The following SLC1A4 variants were observed in gnomAD, a reference collection of about 807,000 sequenced individuals.
SLC1A4 encodes neutral amino acid transporter A.
A neutral mutation model predicts 37.7 loss-of-function variants in SLC1A4; 19 were observed. The ratio of observed to expected loss-of-function variants is 0.50; its 90% confidence interval spans 0.35 to 0.74. The LOEUF (loss-of-function observed/expected upper bound fraction) is 0.74, where lower values mean the gene tolerates loss of function less well. SLC1A4 is among the 30% of genes least tolerant of loss of function. The pLI, the probability that SLC1A4 is intolerant of heterozygous loss-of-function variation, is 0.01. For synonymous variants in SLC1A4, 299 were observed against 309.8 expected (o/e 0.97, Z 0.37); for missense variants, 570 against 712.9 (o/e 0.80, Z 2.28).
intron 3 of SLC1A4, among the ~76,000 whole-genome samples, chr2:65,007,554 T>C (rs1375716989): frequency 6.6e-6 from 1 of 152,172 alleles, no homozygotes; most frequent in East Asian, 1.9e-4. Context: ...AGGGAGTCAT[T>C]TCATTGGAAA....
At position 65,021,356 on chromosome 2, in the gene SLC1A4, C is replaced by T. The variant is rs997811689; in HGVS notation, c.*210C>T. On this transcript the variant is annotated 3_prime_UTR_variant, in exon 8 of 8. Coordinates refer to ENST00000234256, the MANE Select transcript of SLC1A4 (RefSeq NM_003038.5). Reference sequence around the variant, plus strand: ...CCAAGGACAAGGACACTCTGACATTCGGCTTGATCCATGTCCAGGTGCAAC... The same window carrying T: ...CCAAGGACAAGGACACTCTGACATTTGGCTTGATCCATGTCCAGGTGCAAC... 21 of 577,390 alleles carry T rather than the reference C, an allele frequency of 3.6e-5. No homozygotes were observed. Among genetic ancestry groups the T allele is most frequent in the African/African-American group, 3.2e-4 (17 of 53,554 alleles). 35.8% of individuals were successfully genotyped at this position (577,390 alleles called of 1,614,324 possible).
chr2:64,996,108 A>C (rs1462204534), intron 1 of SLC1A4, among the ~76,000 whole-genome samples: 1 of 142,036 alleles, frequency 7.0e-6, no homozygotes, highest in African/African-American at 2.7e-5. Flanking sequence ...TAGATTTAGT[A>C]GTGTATCTTA....
At chr2:64,996,684 T>A (rs1225696480) in intron 1 of SLC1A4, among the ~76,000 whole-genome samples, 1 of 152,204 alleles carries the variant, frequency 6.6e-6, no homozygotes, top group East Asian at 1.9e-4. Flanking sequence ...TAGTCCAACA[T>A]GGCAGCACAA....
At chr2:64,990,193 G>A (rs1446977290) in intron 1 of SLC1A4, 23 bp downstream of exon 1, 1 of 1,551,720 alleles carries the variant, frequency 6.4e-7, no homozygotes, top group East Asian at 2.3e-5. Flanking sequence ...ACCTCTCCCA[G>A]GGCCCAGTGG....
At chr2:65,007,330 G>A (rs1673720226) in intron 3 of SLC1A4, among the ~76,000 whole-genome samples, 1 of 152,060 alleles carries the variant, frequency 6.6e-6, no homozygotes, top group Admixed American at 6.6e-5. Flanking sequence ...GGCCAGGGAG[G>A]TCTTCTGATC....
At chr2:65,002,309 A>AATAAATAAATAAATAAATAAAT (rs1468923180) in intron 2 of SLC1A4, among the ~76,000 whole-genome samples, 3 of 151,440 alleles carry the variant, frequency 2.0e-5, no homozygotes, top group Non-Finnish European at 2.9e-5. Flanking sequence ...ATAAATAATA[A>AATAAATAAATAAATAAATAAAT]AATAAAGATA....
At chr2:65,013,115 A>T (rs1673983486) in intron 4 of SLC1A4, among the ~76,000 whole-genome samples, 1 of 152,212 alleles carries the variant, frequency 6.6e-6, no homozygotes, top group Non-Finnish European at 1.5e-5. Context: ...CAGGAGGAAG[A>T]AAGACAGGGG....
chr2:65,002,770 G>C (rs1673527690), intron 2 of SLC1A4, among the ~76,000 whole-genome samples: 1 of 151,692 alleles, frequency 6.6e-6, no homozygotes, highest in Admixed American at 6.6e-5. Flanking sequence ...TAGAGATGGG[G>C]TTTCACCGTG....
intron 4 of SLC1A4, among the ~76,000 whole-genome samples, chr2:65,015,577 T>C (rs1461609371): frequency 6.6e-6 from 1 of 152,222 alleles, no homozygotes; most frequent in Non-Finnish European, 1.5e-5. Flanking sequence ...CATGTATTAC[T>C]ATCGGGTTTT....
rs17029736 is a variant in SLC1A4 at position 65,010,916 on chromosome 2, G to A, written c.800+153G>A. Among the ~76,000 whole-genome samples the A allele has an allele frequency of 0.12, 18,121 of 152,180 alleles. 1,186 individuals carry two copies. Among genetic ancestry groups the A allele is most frequent in the Middle Eastern group, 0.18 (54 of 294 alleles). On this transcript the variant is annotated intron_variant, in intron 4 of 7. Transcript: ENST00000234256. ...ATGAGCCAGGCTTGGTACAGGGGAT[G>A]ATGGAAGTGGAGACAGTTTCTCCTC...
At position 65,018,013 on chromosome 2, in the gene SLC1A4, C is replaced by A; in HGVS notation, c.1035-58C>A. 1 of 1,485,808 alleles carries A rather than the reference C, an allele frequency of 6.7e-7. No individual in the cohort carries two copies. The highest frequency in any genetic ancestry group is 9.3e-7 in the Non-Finnish European group (1 of 1,072,932). 92.0% of individuals were successfully genotyped at this position (1,485,808 alleles called of 1,614,324 possible). On this transcript the variant is annotated intron_variant, in intron 5 of 7. Coordinates refer to ENST00000234256, the MANE Select transcript of SLC1A4 (RefSeq NM_003038.5). This position sits in a 1 kb window ranked among gnomAD's most constrained non-coding sequence, Gnocchi z 4.3. ...CTGTTCTGGGGTCTGAGACAAGACA[C>A]ATGTTAGCCTGCCTCGGACTGTTGT...
rs183589727 is a variant in SLC1A4, at chr2:65,006,613, C to T, written c.633+2598C>T. On this transcript the variant is annotated intron_variant, in intron 3 of 7. Transcript: ENST00000234256. The stretch of plus-strand genomic sequence containing the variant: ...AGGCATAGCAGGTGTGGGCCTTGTC[C>T]CCAAGGTTGGGATATTGGTGACAGA... Among the ~76,000 whole-genome samples, 27 of 152,044 alleles carry T rather than the reference C, an allele frequency of 1.8e-4. 1 individual carries two copies. The East Asian group carries it at 3.1e-3, about 17-fold the overall frequency.
intron 4 of SLC1A4, among the ~76,000 whole-genome samples, chr2:65,012,387 C>A (rs1211062373): frequency 6.6e-6 from 1 of 152,204 alleles, no homozygotes; most frequent in African/African-American, 2.4e-5. Context: ...CCGCGCCCAG[C>A]CTACTTAATT....
At position 65,018,442 on chromosome 2, in the gene SLC1A4, G is replaced by A. The variant is rs1674257671; in HGVS notation, c.1230-103G>A. 1 of 1,508,916 alleles carries A rather than the reference G, an allele frequency of 6.6e-7. No individual in the cohort carries two copies. The highest frequency in any genetic ancestry group is 9.0e-7 in the Non-Finnish European group (1 of 1,114,572). 93.5% of individuals were successfully genotyped at this position (1,508,916 alleles called of 1,614,324 possible). A position where few individuals can be genotyped will look rare whatever the true frequency, so the allele number is the denominator to read the frequency against. ...CGTAGCCAGCAGAGCCTATGGTGGG[G>A]CGGTTTTTAGTTTCCAGCCACATTG... On this transcript the variant is annotated intron_variant, in intron 6 of 7. Coordinates refer to ENST00000234256, the MANE Select transcript of SLC1A4 (RefSeq NM_003038.5). The surrounding 1 kb of genome is among the most constrained non-coding windows in gnomAD (Gnocchi z 4.3).
At chr2:65,020,870 C>T (rs940897662) in intron 7 of SLC1A4, 42 bp from the exon 8 acceptor site, 2 of 1,548,878 alleles carry the variant, frequency 1.3e-6, no homozygotes, top group African/African-American at 1.4e-5. Flanking sequence ...GACCCGATCG[C>T]CCAGCAGTAG....
rs146530497 is a variant in SLC1A4 at position 64,992,226 on chromosome 2, G to A, written c.527+2056G>A. ...CTGTCCTGCTATGGTCCCGCACCGG[G>A]AGCCTCAATAGGATCTTTTAACTCC... On this transcript the variant is annotated intron_variant, in intron 1 of 7. Transcript: ENST00000234256. Among the ~76,000 whole-genome samples, 635 of 152,322 alleles carry A rather than the reference G, an allele frequency of 4.2e-3. 8 individuals carry two copies. Among genetic ancestry groups the A allele is most frequent in the Non-Finnish European group, 3.3e-3 (224 of 68,018 alleles).
chr2:64,990,435 G>A (rs542861680), intron 1 of SLC1A4, among the ~76,000 whole-genome samples: 2 of 152,264 alleles, frequency 1.3e-5, no homozygotes, highest in South Asian at 4.1e-4. Context: ...TTAGGTGGGC[G>A]TTTGTTAGGG....
chr2:65,001,325 C>T lies in SLC1A4; in HGVS notation c.528-123C>T, dbSNP rs112106518. The stretch of plus-strand genomic sequence containing the variant: ...GCTGAGGCAGGAGGATCACTTGAGC[C>T]CAAAAGTTCAAGGCTGCAGTGAGCT... On this transcript the variant is annotated intron_variant, in intron 1 of 7. Transcript: ENST00000234256. 7.1e-3 allele frequency: 5,936 copies of T among 837,392 alleles called. 260 individuals carry two copies. In the African/African-American group the frequency reaches 0.089, roughly 13 times the overall value. 51.9% of individuals were successfully genotyped at this position (837,392 alleles called of 1,614,324 possible). A position where few individuals can be genotyped will look rare whatever the true frequency, so the allele number is the denominator to read the frequency against.
In SLC1A4 at chr2:64,989,514, G is replaced by C. The variant is rs7609068; in HGVS notation, c.-130G>C. On this transcript the variant is annotated 5_prime_UTR_variant, in exon 1 of 8. Transcript: ENST00000234256. ...TCGCACCTGCTCCTGCGCCAGGCCC[G>C]GAGACCCCCGGGGCGGCTTCCCAGA... The C allele has an allele frequency of 0.15, 120,806 of 781,892 alleles. 9,694 individuals are homozygous for C. Among genetic ancestry groups the C allele is most frequent in the East Asian group, 0.23 (6,589 of 28,774 alleles). The allele number at this position is 781,892 out of a possible 1,614,324, so 48.4% of individuals were successfully genotyped here.
Sources: gnomAD v4.1 joint callset for allele counts (sites outside exome capture counted in the v4.1 genomes callset) on GRCh38, gnomAD v4.1.1 for gene constraint, Gnocchi (gnomAD v3.1) non-coding constraint, MANE v1.5 for transcripts, NCBI Gene and HGNC (gene_info 2026-07-23, HGNC 2026-07-21) for gene names.